The following DOK6 variants were observed in gnomAD, a reference collection of about 807,000 sequenced individuals.
DOK6 encodes downstream of tyrosine kinase 6.
A neutral mutation model predicts 44.0 loss-of-function variants in DOK6; 22 were observed. That is an observed-to-expected ratio of 0.50 (90% CI 0.36 to 0.71). DOK6 has a LOEUF of 0.71. Ranked by LOEUF, DOK6 falls within the 30% of genes least tolerant of loss-of-function variation. The pLI, the probability that DOK6 is intolerant of heterozygous loss-of-function variation, is 0.00. For synonymous variants in DOK6, 166 were observed against 145.5 expected (o/e 1.14, Z -1.01); for missense variants, 340 against 416.4 (o/e 0.82, Z 1.60).
intron 7 of DOK6, among the ~76,000 whole-genome samples, chr18:69,822,658 T>C (rs1981609909): frequency 1.3e-5 from 2 of 152,214 alleles, no homozygotes; most frequent in South Asian, 4.1e-4. Flanking sequence ...GTATGTTTCT[T>C]GACATATCCT....
intron 1 of DOK6, among the ~76,000 whole-genome samples, chr18:69,467,982 T>G (rs895436782): frequency 6.6e-6 from 1 of 152,166 alleles, no homozygotes. Flanking sequence ...CACTATGCCA[T>G]GCAATAGGCA....
At chr18:69,779,453 T>TACACACACACACACAC (rs36016822) in intron 7 of DOK6, among the ~76,000 whole-genome samples, 2 of 148,916 alleles carry the variant, frequency 1.3e-5, no homozygotes, top group African/African-American at 4.9e-5. Context: ...ACACACAGTC[T>TACACACACACACACAC]ACACACACAC....
At chr18:69,459,391 T>C (rs1401866940) in intron 1 of DOK6, among the ~76,000 whole-genome samples, 2 of 152,256 alleles carry the variant, frequency 1.3e-5, no homozygotes, top group Middle Eastern at 3.4e-3. Context: ...TCTGGCCCTA[T>C]TTGTTGGTCC....
chr18:69,739,044 A>T lies in DOK6; in HGVS notation c.679A>T (p.Thr227Ser). Residue 227 changes from threonine to serine, a missense_variant, in exon 6 of 8, where the codon ACA becomes TCA. Physicochemically the swap from Thr to Ser is moderately conservative, Grantham distance 58. This residue lies in a region of DOK6 where 22 missense variants were observed against 48.6 expected (regional missense o/e 0.45). Coordinates refer to ENST00000382713, the MANE Select transcript of DOK6 (RefSeq NM_152721.6). ...EMIYQKVHSA[T>S]LAIAEQHERL... Reference sequence around the variant, plus strand: ...GATCTATCAGAAGGTTCATTCTGCGACACTGGCCATAGCTGAGCAACATGA... The same window carrying T: ...GATCTATCAGAAGGTTCATTCTGCGTCACTGGCCATAGCTGAGCAACATGA... 1 of 1,614,158 alleles carries T rather than the reference A, an allele frequency of 6.2e-7. No individual in the cohort carries two copies. Among genetic ancestry groups the T allele is most frequent in the Non-Finnish European group, 8.5e-7 (1 of 1,179,984 alleles).
intron 3 of DOK6, among the ~76,000 whole-genome samples, chr18:69,640,248 T>G (rs560025318): frequency 1.3e-5 from 2 of 152,328 alleles, no homozygotes; most frequent in Middle Eastern, 3.4e-3. Context: ...CTTTGTTAAT[T>G]CTGTCTTTCA....
intron 1 of DOK6, among the ~76,000 whole-genome samples, chr18:69,473,768 A>G (rs769414758): frequency 6.6e-6 from 1 of 152,214 alleles, no homozygotes; most frequent in Non-Finnish European, 1.5e-5. Context: ...CTATGTAATG[A>G]TTTTAAATGG....
chr18:69,409,843 CAT>C (rs1056835428), intron 1 of DOK6, among the ~76,000 whole-genome samples: 21 of 152,186 alleles, frequency 1.4e-4, no homozygotes, highest in Admixed American at 3.9e-4. Context: ...ATACTTTTCA[CAT>C]ATGTCTCCTT....
At chr18:69,414,759 C>A (rs1377106989) in intron 1 of DOK6, among the ~76,000 whole-genome samples, 1 of 151,960 alleles carries the variant, frequency 6.6e-6, no homozygotes, top group Non-Finnish European at 1.5e-5. Context: ...CAGGGTTGTT[C>A]TGTACTGTTT....
At chr18:69,498,856 G>C (rs1286436266) in intron 1 of DOK6, among the ~76,000 whole-genome samples, 2 of 152,272 alleles carry the variant, frequency 1.3e-5, no homozygotes, top group African/African-American at 4.8e-5. Flanking sequence ...TGTGTTGCCT[G>C]CCTGAAAACA....
chr18:69,592,871 C>T (rs1983653927), intron 2 of DOK6, among the ~76,000 whole-genome samples: 1 of 152,064 alleles, frequency 6.6e-6, no homozygotes, highest in Non-Finnish European at 1.5e-5. Flanking sequence ...GTTACATTGA[C>T]AGGTTTTAGA....
chr18:69,665,504 A>G (rs1985633673), intron 3 of DOK6, among the ~76,000 whole-genome samples: 1 of 152,174 alleles, frequency 6.6e-6, no homozygotes, highest in African/African-American at 2.4e-5. Flanking sequence ...GGGGGCCACC[A>G]GTCCATTGTT....
rs1448659686 is a variant in DOK6, at chr18:69,848,679, T to C, written c.*7296T>C. ...GAAAAATTACCTTCTTCTGAAGTCG[T>C]AGTTTTTAATCTTAACCATCAATAA... On this transcript the variant is annotated 3_prime_UTR_variant, in exon 8 of 8. Transcript: ENST00000382713. The C allele has an allele frequency of 1.3e-5, 2 of 152,244 alleles. No homozygotes were observed. The highest frequency in any genetic ancestry group is 2.4e-5 in the African/African-American group (1 of 41,476). The allele number at this position is 152,244 out of a possible 1,614,324, so 9.4% of individuals were successfully genotyped here.
intron 3 of DOK6, among the ~76,000 whole-genome samples, chr18:69,629,145 C>A (rs183255520): frequency 1.3e-3 from 202 of 152,314 alleles, no homozygotes; most frequent in Non-Finnish European, 2.6e-3. Flanking sequence ...CCAAATTAAC[C>A]TGGCAGCTGT....
chr18:69,544,858 C>T (rs909167006), intron 1 of DOK6, among the ~76,000 whole-genome samples: 2 of 151,476 alleles, frequency 1.3e-5, no homozygotes, highest in African/African-American at 2.4e-5. Flanking sequence ...CCGCCAGGTG[C>T]GATGGCACAC....
intron 7 of DOK6, among the ~76,000 whole-genome samples, chr18:69,778,143 A>G (rs1270039728): frequency 1.3e-5 from 2 of 152,176 alleles, no homozygotes; most frequent in Non-Finnish European, 2.9e-5. Flanking sequence ...AAATTCAGTC[A>G]GAGAGACGGA....
chr18:69,690,237 C>T (rs1986235905), intron 4 of DOK6, among the ~76,000 whole-genome samples: 1 of 151,704 alleles, frequency 6.6e-6, no homozygotes, highest in Non-Finnish European at 1.5e-5. Context: ...GTAAGCATTC[C>T]AATTCACAGT....
At chr18:69,794,220 GT>G (rs1370372014) in intron 7 of DOK6, among the ~76,000 whole-genome samples, 1 of 152,048 alleles carries the variant, frequency 6.6e-6, no homozygotes, top group Non-Finnish European at 1.5e-5. Flanking sequence ...AGCATCCCCA[GT>G]ACTGTTCAGT....
At chr18:69,611,604 G>T (rs1322772640) in intron 3 of DOK6, among the ~76,000 whole-genome samples, 1 of 151,582 alleles carries the variant, frequency 6.6e-6, no homozygotes, top group African/African-American at 2.4e-5. Context: ...ACAAACTGTG[G>T]TATCTTCACA....
intron 1 of DOK6, among the ~76,000 whole-genome samples, chr18:69,450,664 G>T (rs1979434374): frequency 6.6e-6 from 1 of 152,050 alleles, no homozygotes. Flanking sequence ...CAGAGAGAAA[G>T]GTTGGGTTAC....
Sources: gnomAD v4.1 joint callset for allele counts (sites outside exome capture counted in the v4.1 genomes callset) on GRCh38, gnomAD v4.1.1 for gene constraint, gnomAD v4.1.1 regional missense constraint, MANE v1.5 for transcripts, NCBI Gene and HGNC (gene_info 2026-07-23, HGNC 2026-07-21) for gene names.